Variants in FAAH2 observed in about 807,000 individuals in gnomAD.
FAAH2 encodes the protein fatty-acid amide hydrolase 2.
FAAH2 carries 60 observed loss-of-function variants against 36.9 expected under a neutral mutation model. That is an observed-to-expected ratio of 1.63 (90% confidence interval 1.32 to 2.02). The LOEUF is 2.02. FAAH2 is among the 30% of genes most tolerant of loss of function. The pLI, the probability that FAAH2 is intolerant of heterozygous loss-of-function variation, is 0.00. For missense variants in FAAH2, 689 were observed against 397.5 expected (o/e 1.73, Z -6.23); for synonymous variants, 214 against 143.8 (o/e 1.49, Z -3.49).
At chrX:57,282,336 T>C (rs1288574908), upstream of FAAH2, among the ~76,000 whole-genome samples, 2 of 112,322 alleles carry the variant, frequency 1.8e-5, no homozygotes, top group Admixed American at 1.9e-4. Flanking sequence ...ATGAGCATTT[T>C]TTTAATGTTT....
the FAAH2 span, among the ~76,000 whole-genome samples, chrX:57,217,056 T>C: frequency 2.7e-5 from 3 of 111,707 alleles, no homozygotes; most frequent in East Asian, 8.5e-4. Context: ...CATGTGTTTG[T>C]TGGCCATTTG....
intron 10 of FAAH2, among the ~76,000 whole-genome samples, chrX:57,485,972 G>A (rs1224055882): frequency 3.6e-5 from 4 of 111,633 alleles, no homozygotes; most frequent in African/African-American, 9.8e-5. Context: ...TTCTCTAGCT[G>A]GGGTGAGCTG....
chrX:57,238,905 G>T, the FAAH2 span, among the ~76,000 whole-genome samples: 1 of 111,600 alleles, frequency 9.0e-6, no homozygotes, highest in Non-Finnish European at 1.9e-5. Context: ...TTCTGTTTCT[G>T]TGTTAATTTG....
the FAAH2 span, among the ~76,000 whole-genome samples, chrX:57,194,842 T>C: frequency 2.7e-5 from 3 of 111,730 alleles, no homozygotes; most frequent in African/African-American, 9.8e-5. Context: ...AGTGTTTCAT[T>C]TTCCATTCCT....
the FAAH2 span, among the ~76,000 whole-genome samples, chrX:57,261,600 T>G: frequency 9.5e-6 from 1 of 104,759 alleles, no homozygotes; most frequent in Non-Finnish European, 2.0e-5. Flanking sequence ...AAAATCTATA[T>G]TTATACAGAA....
chrX:57,247,189 G>A, the FAAH2 span, among the ~76,000 whole-genome samples: 1 of 111,519 alleles, frequency 9.0e-6, no homozygotes. Context: ...AATAATTGTT[G>A]AGAAGATTTA....
the FAAH2 span, among the ~76,000 whole-genome samples, chrX:57,187,530 C>T: frequency 1.8e-5 from 2 of 111,121 alleles, no homozygotes; most frequent in Admixed American, 1.9e-4. Flanking sequence ...ATTTTACTTC[C>T]TCTCTTTCTA....
intron 7 of FAAH2, among the ~76,000 whole-genome samples, chrX:57,412,087 A>G (rs755812959): frequency 1.8e-5 from 2 of 111,684 alleles, no homozygotes; most frequent in South Asian, 7.4e-4. Flanking sequence ...TGCCTAAAAC[A>G]TTTATTATTA....
At chrX:57,389,423 T>C (rs1348796267) in intron 7 of FAAH2, among the ~76,000 whole-genome samples, 1 of 107,836 alleles carries the variant, frequency 9.3e-6, no homozygotes, top group Non-Finnish European at 1.9e-5. Context: ...TACTCTCTAC[T>C]TCTAGGAATT....
intron 7 of FAAH2, among the ~76,000 whole-genome samples, chrX:57,385,791 C>T (rs1017365218): frequency 1.0e-4 from 11 of 110,218 alleles, no homozygotes; most frequent in Non-Finnish European, 9.5e-5. Flanking sequence ...GCCTGTAGTC[C>T]CAGCTACTCG....
intron 7 of FAAH2, among the ~76,000 whole-genome samples, chrX:57,421,234 A>G (rs1465675148): frequency 9.8e-5 from 11 of 111,864 alleles, no homozygotes; most frequent in African/African-American, 3.6e-4. Flanking sequence ...TCACAAGATC[A>G]GGAGTCTGAG....
At chrX:57,349,681 AG>A (rs1239992699) in intron 5 of FAAH2, among the ~76,000 whole-genome samples, 1 of 108,870 alleles carries the variant, frequency 9.2e-6, no homozygotes, top group Non-Finnish European at 1.9e-5. Flanking sequence ...ACTTAAAGAA[AG>A]GTCTTTTGAA....
intron 5 of FAAH2, among the ~76,000 whole-genome samples, chrX:57,368,364 C>T (rs749430900): frequency 1.8e-5 from 2 of 110,399 alleles, no homozygotes; most frequent in Non-Finnish European, 3.8e-5. Context: ...AGTGCACAAG[C>T]TTGTGGGCAA....
the FAAH2 span, among the ~76,000 whole-genome samples, chrX:57,263,311 T>C: frequency 8.9e-6 from 1 of 111,776 alleles, no homozygotes; most frequent in East Asian, 2.8e-4. Flanking sequence ...GGAATGAACA[T>C]GTGGACATTG....
the FAAH2 span, among the ~76,000 whole-genome samples, chrX:57,257,374 T>C: frequency 9.0e-6 from 1 of 111,337 alleles, no homozygotes; most frequent in Non-Finnish European, 1.9e-5. Context: ...AACAAAAGGA[T>C]TTGTTCATGT....
chrX:57,345,989 G>C (rs891147063), intron 5 of FAAH2, among the ~76,000 whole-genome samples: 1 of 111,398 alleles, frequency 9.0e-6, no homozygotes, highest in Admixed American at 9.6e-5. Flanking sequence ...CCAAGAGTGT[G>C]TTTGGTATGA....
the FAAH2 span, among the ~76,000 whole-genome samples, chrX:57,221,436 C>A: frequency 9.0e-6 from 1 of 111,121 alleles, no homozygotes; most frequent in East Asian, 2.8e-4. Flanking sequence ...TTAAATAGCC[C>A]ACCCAGTTCC....
chrX:57,130,630 T>C, the FAAH2 span, among the ~76,000 whole-genome samples: 5 of 112,544 alleles, frequency 4.4e-5, no homozygotes, highest in Non-Finnish European at 9.4e-5. Context: ...CTAGTGGTTT[T>C]ACTTAGCCAC....
chrX:57,367,001 C>T (rs1182692511), intron 5 of FAAH2, among the ~76,000 whole-genome samples: 1 of 112,286 alleles, frequency 8.9e-6, no homozygotes, highest in Non-Finnish European at 1.9e-5. Flanking sequence ...CTGTCTCTGC[C>T]AACTCTCCAG....
Sources: allele counts gnomAD v4.1 joint callset (sites outside exome capture counted in the v4.1 genomes callset), GRCh38; gene constraint gnomAD v4.1.1; transcripts MANE v1.5; gene names NCBI Gene and HGNC (gene_info 2026-07-23, HGNC 2026-07-21).